The following ARHGAP12 variants were observed in gnomAD, a reference collection of about 807,000 sequenced individuals.
ARHGAP12 encodes rho GTPase-activating protein 12.
ARHGAP12 carries 64 observed loss-of-function variants against 108.6 expected under a neutral mutation model. The ratio of observed to expected loss-of-function variants is 0.59; its 90% confidence interval spans 0.48 to 0.73. The LOEUF (loss-of-function observed/expected upper bound fraction) is 0.73, where lower values mean the gene tolerates loss of function less well. Among genes scored for constraint, ARHGAP12 ranks in the 30% least tolerant of loss-of-function variants. The pLI is 0.00. For synonymous variants in ARHGAP12, 312 were observed against 337.2 expected, an observed-to-expected ratio of 0.93 and a Z score of 0.82; for missense variants, 940 against 1,005.9, an observed-to-expected ratio of 0.93 and a Z score of 0.89.
chr10:31,861,331 T>C, intron 4 of ARHGAP12, 64 bp downstream of exon 4: 1 of 1,522,042 alleles, frequency 6.6e-7, no homozygotes. Context: ...TTTACTTCTT[T>C]GGTTTCTGAA....
At chr10:31,826,484 C>T in intron 10 of ARHGAP12, 99 bp from the exon 11 acceptor site, 1 of 833,524 alleles carries the variant, frequency 1.2e-6, no homozygotes, top group South Asian at 1.9e-5. Flanking sequence ...ATGTTATCTA[C>T]AATTTACAGC....
chr10:31,849,542 T>G lies in ARHGAP12; in HGVS notation c.1170+2975A>C, dbSNP rs558699853. The stretch of plus-strand genomic sequence containing the variant: ...TTATCTTAGACTTACTAGTAAGTAT[T>G]AAGTTGCTTAAGAGTGCAGAATGTA... On this transcript the variant is annotated intron_variant, in intron 6 of 19. Transcript: ENST00000344936. 4.4e-4 allele frequency among the ~76,000 whole-genome samples: 67 copies of G among 152,340 alleles called. 1 individual carries two copies. The highest frequency in any genetic ancestry group is 3.4e-3 in the Middle Eastern group (1 of 294).
intron 13 of ARHGAP12, among the ~76,000 whole-genome samples, chr10:31,817,343 C>T (rs1301899474): frequency 6.6e-6 from 1 of 151,982 alleles, no homozygotes; most frequent in Non-Finnish European, 1.5e-5. Context: ...TACTGAACAG[C>T]TTGGAGGGGA....
At chr10:31,815,075 C>T (rs576138667) in intron 13 of ARHGAP12, among the ~76,000 whole-genome samples, 3 of 147,142 alleles carry the variant, frequency 2.0e-5, no homozygotes, top group South Asian at 2.1e-4. Flanking sequence ...GAGCCAAGAT[C>T]GCGCCATTGC....
At chr10:31,858,445 T>C (rs1836973865) in intron 4 of ARHGAP12, among the ~76,000 whole-genome samples, 2 of 152,142 alleles carry the variant, frequency 1.3e-5, no homozygotes, top group South Asian at 4.1e-4. Context: ...AAGCTGGGCA[T>C]GGTGGCCCAT....
At chr10:31,885,923 T>C (rs1447041252) in intron 3 of ARHGAP12, among the ~76,000 whole-genome samples, 19 of 152,162 alleles carry the variant, frequency 1.2e-4, no homozygotes, top group Admixed American at 1.2e-3. Context: ...GAATCTTTTG[T>C]AGATTCTGTG....
Position 31,817,808 on chromosome 10 carries a change from T to TA in ARHGAP12, c.1710dup (p.Ser571Ter). The TA allele has an allele frequency of 6.2e-7, 1 of 1,609,974 alleles. No individual in the cohort carries two copies. The highest frequency in any genetic ancestry group is 8.5e-7 in the Non-Finnish European group (1 of 1,177,940). On this transcript the variant is annotated frameshift_variant, in exon 13 of 20. Coordinates refer to ENST00000344936, the MANE Select transcript of ARHGAP12 (RefSeq NM_018287.7). LOFTEE classifies it high-confidence loss of function. ...CATACCTGATTATTGATTGTACTAC[T>TA]AAGAACTTTAAACCAATCATTAATA...
At chr10:31,841,353 T>C (rs773353068) in intron 7 of ARHGAP12, among the ~76,000 whole-genome samples, 4 of 152,182 alleles carry the variant, frequency 2.6e-5, no homozygotes, top group Non-Finnish European at 4.4e-5. Context: ...ACATTTGCTA[T>C]ACAATAATAG....
intron 3 of ARHGAP12, among the ~76,000 whole-genome samples, chr10:31,886,030 T>A (rs966994436): frequency 6.6e-6 from 1 of 152,196 alleles, no homozygotes; most frequent in Non-Finnish European, 1.5e-5. Context: ...TTGACTGTTA[T>A]AACAGACTTC....
chr10:31,921,254 G>C (rs559233168), intron 1 of ARHGAP12, among the ~76,000 whole-genome samples: 1 of 152,166 alleles, frequency 6.6e-6, no homozygotes, highest in South Asian at 2.1e-4. Context: ...CTTCAGCCTT[G>C]GTGAGAGTGA....
intron 3 of ARHGAP12, among the ~76,000 whole-genome samples, chr10:31,869,658 C>T (rs1837468117): frequency 6.6e-6 from 1 of 152,166 alleles, no homozygotes; most frequent in Admixed American, 6.5e-5. Flanking sequence ...TACCTCTGCA[C>T]ATGACCTAAT....
At chr10:31,915,789 A>C (rs1839531484) in intron 1 of ARHGAP12, among the ~76,000 whole-genome samples, 1 of 152,242 alleles carries the variant, frequency 6.6e-6, no homozygotes, top group Admixed American at 6.5e-5. Flanking sequence ...AAAATGAAAC[A>C]AACTTCACAG....
At chr10:31,830,945 C>T (rs558880498) in intron 10 of ARHGAP12, among the ~76,000 whole-genome samples, 4 of 152,336 alleles carry the variant, frequency 2.6e-5, no homozygotes, top group South Asian at 2.1e-4. Context: ...GAGGCAGAAA[C>T]GGATTCAATA....
intron 13 of ARHGAP12, 62 bp from the exon 14 acceptor site, chr10:31,814,423 C>T (rs1450350174): frequency 1.1e-5 from 15 of 1,310,306 alleles, no homozygotes; most frequent in Non-Finnish European, 1.1e-5. Flanking sequence ...GTTGGAATGG[C>T]ATAATTCTCA....
intron 19 of ARHGAP12, chr10:31,808,394 A>C (rs1007821378): frequency 3.7e-6 from 1 of 272,460 alleles, no homozygotes; most frequent in Non-Finnish European, 6.9e-6. Context: ...CTTAGCAACA[A>C]TTTCTGAACA....
In ARHGAP12 at chr10:31,840,735, T is replaced by A. The variant is rs1218001033; in HGVS notation, c.1297-1024A>T. ...ACTATTAACTCAACATTTACTGATT[T>A]GGAAAAATGTCTTCGGGTTTATATC... On this transcript the variant is annotated intron_variant, in intron 7 of 19. Coordinates refer to ENST00000344936, the MANE Select transcript of ARHGAP12 (RefSeq NM_018287.7). 2.0e-5 allele frequency among the ~76,000 whole-genome samples: 3 copies of A among 152,164 alleles called. No individual in the cohort carries two copies. In the East Asian group the frequency reaches 5.8e-4, roughly 29 times the overall value.
At chr10:31,825,992 A>T (rs1272199188) in intron 11 of ARHGAP12, among the ~76,000 whole-genome samples, 2 of 152,180 alleles carry the variant, frequency 1.3e-5, no homozygotes, top group Non-Finnish European at 2.9e-5. Context: ...TCACAAACAC[A>T]GCAAAGCTTT....
At chr10:31,830,111 T>C (rs549345812) in intron 10 of ARHGAP12, among the ~76,000 whole-genome samples, 1 of 152,204 alleles carries the variant, frequency 6.6e-6, no homozygotes, top group Non-Finnish European at 1.5e-5. Flanking sequence ...GTAATAGGTA[T>C]TTTTAAAAAA....
At chr10:31,924,704 A>C (rs972618014) in intron 1 of ARHGAP12, among the ~76,000 whole-genome samples, 5 of 127,386 alleles carry the variant, frequency 3.9e-5, no homozygotes, top group African/African-American at 1.0e-4. Context: ...CTCTAACCTC[A>C]TAACATATTC....
Sources: gnomAD v4.1 joint callset for allele counts (sites outside exome capture counted in the v4.1 genomes callset) on GRCh38, gnomAD v4.1.1 for gene constraint, MANE v1.5 for transcripts, NCBI Gene and HGNC (gene_info 2026-07-23, HGNC 2026-07-21) for gene names.